The following LRRD1 variants were observed in gnomAD, a reference collection of about 807,000 sequenced individuals.
LRRD1 encodes leucine rich repeats and death domain containing 1.
Under a neutral mutation model 69.5 loss-of-function variants are expected in LRRD1, and 49 were observed. The ratio of observed to expected loss-of-function variants is 0.70; its 90% CI spans 0.56 to 0.89. LRRD1 has a LOEUF of 0.89. Ranked by LOEUF, LRRD1 falls within the 40% of genes least tolerant of loss-of-function variation. LRRD1 has a pLI of 0.00. For synonymous variants in LRRD1, 303 were observed against 338.9 expected (o/e 0.89, Z 1.16); for missense variants, 853 against 956.0 (o/e 0.89, Z 1.42).
chr7:92,164,293 T>C lies in LRRD1; in HGVS notation c.910A>G (p.Lys304Glu). 1.3e-6 allele frequency: 2 copies of C among 1,550,974 alleles called. No individual in the cohort carries two copies. Among genetic ancestry groups the C allele is most frequent in the Non-Finnish European group, 1.7e-6 (2 of 1,146,702 alleles). ...TFPKALCFLPKLISLDLTGNL... is the reference protein window; with the variant it reads ...TFPKALCFLPELISLDLTGNL... ...CCAGTAAGGTCTAGTGAAATTAACT[T>C]TGGAAGGAAGCAGAGAGCTTTAGGA... The change falls in exon 2 of 6, where the codon AAG becomes GAG. Residue 304 changes from lysine (K) to glutamate (E), a missense_variant. Lys to Glu is a moderately conservative substitution (Grantham distance 56, BLOSUM62 1). Around this residue, in one of 3 missense-constraint regions of LRRD1, gnomAD observed 739 missense variants for 808.0 expected, o/e 0.91. Transcript: ENST00000458448.
At chr7:92,144,073 AC>A (rs199893995), downstream of LRRD1, among the ~76,000 whole-genome samples, 1,090 of 152,190 alleles carry the variant, frequency 7.2e-3, 15 homozygotes, top group African/African-American at 0.024. Flanking sequence ...CACATGACAG[AC>A]AAGACAACAG....
At position 92,155,603 on chromosome 7, in the gene LRRD1, G is replaced by A. The variant is rs1451394265; in HGVS notation, c.2116+3402C>T. ...GTTCTCCAGAGGGACAGGACTAATA[G>A]GATAGATATATATATATAAAAGGGA... On this transcript the variant is annotated intron_variant, in intron 3 of 5. Transcript: ENST00000458448. Among the ~76,000 whole-genome samples the A allele has an allele frequency of 2.6e-5, 4 of 151,974 alleles. No homozygotes were observed. The East Asian group carries it at 7.7e-4, about 29-fold the overall frequency.
intron 1 of LRRD1, among the ~76,000 whole-genome samples, chr7:92,173,026 C>A (rs993404244): frequency 1.3e-5 from 2 of 151,998 alleles, no homozygotes; most frequent in Non-Finnish European, 2.9e-5. Flanking sequence ...AATACAAAAC[C>A]CAGATATAAA....
At chr7:92,176,437 C>T (rs958431531) in intron 1 of LRRD1, among the ~76,000 whole-genome samples, 8 of 152,108 alleles carry the variant, frequency 5.3e-5, no homozygotes, top group Middle Eastern at 3.4e-3. Context: ...GTATGACTTA[C>T]TTATTTTAGT....
chr7:92,167,684 T>C (rs1215419461), intron 1 of LRRD1, among the ~76,000 whole-genome samples: 5 of 151,334 alleles, frequency 3.3e-5, no homozygotes, highest in Admixed American at 2.6e-4. Context: ...GGGACCATCC[T>C]GGCTAACACA....
intron 1 of LRRD1, among the ~76,000 whole-genome samples, chr7:92,171,299 A>G (rs1385936639): frequency 1.3e-5 from 2 of 152,062 alleles, no homozygotes; most frequent in African/African-American, 4.8e-5. Flanking sequence ...CTAAGAAAAA[A>G]AAAGAAGACC....
At chr7:92,167,685 G>A (rs1251868224) in intron 1 of LRRD1, among the ~76,000 whole-genome samples, 2 of 151,164 alleles carry the variant, frequency 1.3e-5, no homozygotes, top group Non-Finnish European at 2.9e-5. Flanking sequence ...GGACCATCCT[G>A]GCTAACACAG....
intron 1 of LRRD1, among the ~76,000 whole-genome samples, chr7:92,175,334 T>G (rs958239723): frequency 6.6e-6 from 1 of 152,002 alleles, no homozygotes; most frequent in Non-Finnish European, 1.5e-5. Flanking sequence ...CCACTCAAAT[T>G]GAGTAATTTG....
chr7:92,167,902 A>T (rs1002527515), intron 1 of LRRD1, among the ~76,000 whole-genome samples: 3 of 144,904 alleles, frequency 2.1e-5, no homozygotes, highest in Admixed American at 6.8e-5. Context: ...AAAAAAAAAA[A>T]AAAAAATAAG....
intron 1 of LRRD1, among the ~76,000 whole-genome samples, chr7:92,178,454 T>C (rs1161247481): frequency 6.6e-6 from 1 of 151,530 alleles, no homozygotes; most frequent in African/African-American, 2.4e-5. Context: ...GCAGATCACT[T>C]GAGGTCAGGA....
chr7:92,159,497 A>G (rs986175397), intron 2 of LRRD1, among the ~76,000 whole-genome samples: 3 of 151,058 alleles, frequency 2.0e-5, no homozygotes, highest in African/African-American at 7.3e-5. Flanking sequence ...TTACCTCCTT[A>G]TCCCATTCTC....
chr7:92,151,703 C>T (rs1467765073), intron 3 of LRRD1, among the ~76,000 whole-genome samples: 1 of 152,108 alleles, frequency 6.6e-6, no homozygotes, highest in Non-Finnish European at 1.5e-5. Flanking sequence ...AATCCCAGCA[C>T]TTTGGGAGGC....
At chr7:92,145,460 TAGAC>T (rs1200443934) in intron 5 of LRRD1, among the ~76,000 whole-genome samples, 1 of 150,212 alleles carries the variant, frequency 6.7e-6, no homozygotes, top group Non-Finnish European at 1.5e-5. Flanking sequence ...TTTTTTTTTT[TAGAC>T]AGAGTCTTGC....
chr7:92,167,908 A>AAAAAAG (rs1788954937), intron 1 of LRRD1, among the ~76,000 whole-genome samples: 1 of 109,890 alleles, frequency 9.1e-6, no homozygotes, highest in Non-Finnish European at 1.9e-5. Flanking sequence ...AAAAAAAAAA[A>AAAAAAG]TAAGTTATTC....
At chr7:92,167,600 G>A (rs754596937) in intron 1 of LRRD1, among the ~76,000 whole-genome samples, 15 of 151,624 alleles carry the variant, frequency 9.9e-5, no homozygotes, top group Admixed American at 6.6e-4. Flanking sequence ...CTGCTCAGCC[G>A]GGCGCGGTGG....
intron 2 of LRRD1, among the ~76,000 whole-genome samples, chr7:92,159,749 G>C (rs1346797883): frequency 6.6e-6 from 1 of 151,462 alleles, no homozygotes; most frequent in East Asian, 1.9e-4. Context: ...AGCCTTTTGA[G>C]TACCTGGGAT....
At chr7:92,142,163 C>T (rs1287630673), downstream of LRRD1, 2 of 236,270 alleles carry the variant, frequency 8.5e-6, no homozygotes, top group East Asian at 2.3e-4. Context: ...AGGATGGTCT[C>T]GATCTCCTGA....
intron 1 of LRRD1, among the ~76,000 whole-genome samples, chr7:92,178,309 G>A (rs2131032248): frequency 6.6e-6 from 1 of 152,084 alleles, no homozygotes; most frequent in Non-Finnish European, 1.5e-5. Context: ...GCAAAACTCC[G>A]TCTCAAAAGA....
intron 1 of LRRD1, among the ~76,000 whole-genome samples, chr7:92,169,581 C>T (rs190885894): frequency 6.6e-6 from 1 of 151,578 alleles, no homozygotes; most frequent in Admixed American, 6.6e-5. Flanking sequence ...ACCCAAGAGG[C>T]AGAGGTTGTA....
Sources: allele counts gnomAD v4.1 joint callset (sites outside exome capture counted in the v4.1 genomes callset), GRCh38; gene constraint gnomAD v4.1.1; regional missense constraint gnomAD v4.1.1; transcripts MANE v1.5; gene names NCBI Gene and HGNC (gene_info 2026-07-23, HGNC 2026-07-21).